The following CCDC187 variants were observed in gnomAD, a reference collection of about 807,000 sequenced individuals.
CCDC187 encodes coiled-coil domain containing 187.
CCDC187 carries 32 observed loss-of-function variants against 38.0 expected under a neutral mutation model. The observed-to-expected ratio is 0.84, with a 90% CI of 0.64 to 1.13. The LOEUF (loss-of-function observed/expected upper bound fraction) is 1.13, where lower values mean the gene tolerates loss of function less well. Ranked by LOEUF, CCDC187 falls within the 50% of genes most tolerant of loss-of-function variation. The pLI is 0.00. For synonymous variants in CCDC187, 333 were observed against 347.9 expected, an observed-to-expected ratio of 0.96 and a Z score of 0.48; for missense variants, 707 against 786.8, an observed-to-expected ratio of 0.90 and a Z score of 1.21.
At chr9:136,287,198 C>T (rs1422263618) in intron 7 of CCDC187, among the ~76,000 whole-genome samples, 6 of 151,950 alleles carry the variant, frequency 3.9e-5, no homozygotes, top group African/African-American at 9.7e-5. Context: ...AAGGACATTC[C>T]GACGCAGGCT....
rs1442275013 is a variant in CCDC187 at position 136,291,051 on chromosome 9, G to C, written c.1562C>G (p.Pro521Arg). Residue 521 changes from proline to arginine, a missense_variant, in exon 6 of 26, where the codon CCT (proline) becomes CGT (arginine). Coordinates refer to ENST00000638797, the MANE Select transcript of CCDC187 (RefSeq NM_001378188.1). The part of the protein sequence containing the change: ...GPSSQRPGSP[P>R]EKRSPFPQQP... ...CTGGGGGAAGGGGCTCCGCTTTTCA[G>C]GGGGGCTCCCAGGCCTCTGGGAGGA... is the stretch of plus-strand genomic sequence containing the variant. 25 of 398,534 alleles carry C rather than the reference G, an allele frequency of 6.3e-5. No homozygotes were observed. In the Admixed American group the frequency reaches 6.6e-4, roughly 11 times the overall value. The allele number at this position is 398,534 out of a possible 1,614,324, so 24.7% of individuals were successfully genotyped here.
Position 136,259,820 on chromosome 9 carries a change from T to C in CCDC187, c.4210+299A>G, listed in dbSNP as rs115353391. ...CCAGGGGCTCTGAGTAGCCGCCCCA[T>C]GAGGAGCCCTTCCCAGACAGAACCT... On this transcript the variant is annotated intron_variant, in intron 20 of 25. Coordinates refer to ENST00000638797, the MANE Select transcript of CCDC187 (RefSeq NM_001378188.1). Among the ~76,000 whole-genome samples the C allele has an allele frequency of 2.3e-3, 348 of 152,194 alleles. 1 individual carries two copies. The highest frequency in any genetic ancestry group is 7.7e-3 in the African/African-American group (321 of 41,550).
intron 14 of CCDC187, among the ~76,000 whole-genome samples, chr9:136,268,900 G>A (rs911081042): frequency 8.5e-5 from 13 of 152,192 alleles, no homozygotes; most frequent in African/African-American, 3.1e-4. Flanking sequence ...CTATGGTGAG[G>A]GAGGGGAAGC....
chr9:136,255,354 C>T (rs1236935425), intron 25 of CCDC187, among the ~76,000 whole-genome samples: 4 of 152,180 alleles, frequency 2.6e-5, no homozygotes, highest in African/African-American at 2.4e-5. Flanking sequence ...GGGGCCTTGC[C>T]GAGCCTCGGG....
chr9:136,263,533 C>A, intron 18 of CCDC187, 89 bp downstream of exon 18: 3 of 942,600 alleles, frequency 3.2e-6, no homozygotes, highest in Non-Finnish European at 3.8e-6. Flanking sequence ...CGCGCCCGGC[C>A]CACAGGCATT....
Position 136,260,246 on chromosome 9 carries a change from C to T in CCDC187, c.4083G>A (p.Gln1361=), listed in dbSNP as rs754655626. 80 of 985,246 alleles carry T rather than the reference C, an allele frequency of 8.1e-5. No individual in the cohort carries two copies. Among genetic ancestry groups the T allele is most frequent in the Non-Finnish European group, 9.2e-5 (76 of 830,086 alleles). 61.0% of individuals were successfully genotyped at this position (985,246 alleles called of 1,614,324 possible). A position where few individuals can be genotyped will look rare whatever the true frequency, so the allele number is the denominator to read the frequency against. The change falls in exon 20 of 26, where the codon CAG becomes CAA. Residue 1361 remains glutamine, a synonymous_variant. Coordinates refer to ENST00000638797, the MANE Select transcript of CCDC187 (RefSeq NM_001378188.1). Reference sequence around the variant, plus strand: ...AGGTTGTCTGGGGTGGCGTCACATCCTGCTGCTCAGTGGGAGGGCTGCACG... The same window carrying T: ...AGGTTGTCTGGGGTGGCGTCACATCTTGCTGCTCAGTGGGAGGGCTGCACG... ...SKATRPPTEQ[Q]DVTPPQTTSD... is the part of the protein sequence containing the mutation.
At chr9:136,296,025 C>T (rs879039838) in intron 4 of CCDC187, 42,797 of 152,154 alleles carry the variant, frequency 0.28, 6,258 homozygotes, top group East Asian at 0.44. Context: ...ACCTCACCCG[C>T]GTGTCCTCTC....
intron 5 of CCDC187, 61 bp from the exon 6 acceptor site, chr9:136,291,706 C>T (rs899355750): frequency 2.5e-6 from 1 of 398,604 alleles, no homozygotes; most frequent in East Asian, 3.6e-5. Flanking sequence ...AAGCCAGCTC[C>T]TCCATCCGGG....
intron 20 of CCDC187, 143 bp downstream of exon 20, chr9:136,259,976 C>T (rs1478905397): frequency 3.0e-6 from 2 of 657,066 alleles, no homozygotes; most frequent in Non-Finnish European, 3.8e-6. Flanking sequence ...ACAGGGAGGC[C>T]GGGGTGGCCC....
In CCDC187 at chr9:136,250,592, G is replaced by C. The variant is rs1242951894; in HGVS notation, c.*3002C>G. On this transcript the variant is annotated 3_prime_UTR_variant, in exon 26 of 26. Transcript: ENST00000638797. ...ACTAATTTGTTCAGAAGACTAGAAG[G>C]GGATCAATGAGAAAGCTGTAGCTCA... 1 of 363,700 alleles carries C rather than the reference G, an allele frequency of 2.7e-6. No homozygotes were observed. The highest frequency in any genetic ancestry group is 2.1e-5 in the African/African-American group (1 of 47,006). The allele number at this position is 363,700 out of a possible 1,614,324, so 22.5% of individuals were successfully genotyped here.
chr9:136,269,802 C>T (rs368790539), intron 14 of CCDC187, among the ~76,000 whole-genome samples: 2 of 152,214 alleles, frequency 1.3e-5, no homozygotes, highest in South Asian at 2.1e-4. Context: ...CCAGGCTTGA[C>T]GTGGGTGTGA....
Position 136,255,162 on chromosome 9 carries a change from C to T in CCDC187, c.4694-28G>A, listed in dbSNP as rs1488446185. The stretch of plus-strand genomic sequence containing the variant: ...AAGAGAGGGGGCAATCAACAGTGGT[C>T]ACCCTCTGCACCCTGGACCCCATGC... On this transcript the variant is annotated intron_variant, in intron 25 of 25. Coordinates refer to ENST00000638797, the MANE Select transcript of CCDC187 (RefSeq NM_001378188.1). 1.1e-5 allele frequency: 11 copies of T among 971,988 alleles called. 1 individual carries two copies. The South Asian group carries it at 1.4e-4, about 13-fold the overall frequency. 60.2% of individuals were successfully genotyped at this position (971,988 alleles called of 1,614,324 possible). A position where few individuals can be genotyped will look rare whatever the true frequency, so the allele number is the denominator to read the frequency against.
chr9:136,255,206 A>G, intron 25 of CCDC187, 72 bp from the exon 26 acceptor site: 1 of 780,024 alleles, frequency 1.3e-6, no homozygotes, highest in Non-Finnish European at 1.6e-6. Flanking sequence ...CGACCCCCAA[A>G]GCCAGGAGGT....
intron 4 of CCDC187, among the ~76,000 whole-genome samples, chr9:136,293,423 A>G (rs1831418010): frequency 1.5e-5 from 1 of 64,972 alleles, no homozygotes; most frequent in Admixed American, 1.7e-4. Flanking sequence ...ATGCTCACAT[A>G]CTCTCACATG....
chr9:136,250,383 C>A lies in CCDC187; in HGVS notation c.*3211G>T, dbSNP rs1050057353. 11 of 278,136 alleles carry A rather than the reference C, an allele frequency of 4.0e-5. No individual in the cohort carries two copies. Among genetic ancestry groups the A allele is most frequent in the Admixed American group, 2.0e-4 (4 of 19,768 alleles). 17.2% of individuals were successfully genotyped at this position (278,136 alleles called of 1,614,324 possible). A position where few individuals can be genotyped will look rare whatever the true frequency, so the allele number is the denominator to read the frequency against. On this transcript the variant is annotated 3_prime_UTR_variant, in exon 26 of 26. Coordinates refer to ENST00000638797, the MANE Select transcript of CCDC187 (RefSeq NM_001378188.1). ...GCAGCCGCCACCGCATTGCGCCGCA[C>A]GTCAGCACCAACCACGTGGCAGCGA...
intron 14 of CCDC187, 71 bp from the exon 15 acceptor site, chr9:136,268,196 C>T (rs1234083439): frequency 4.3e-6 from 4 of 931,382 alleles, no homozygotes; most frequent in South Asian, 4.9e-5. Context: ...CCATTTCTAC[C>T]GGAGGGCCTC....
At chr9:136,285,008 G>A (rs959714966) in intron 9 of CCDC187, among the ~76,000 whole-genome samples, 2 of 152,088 alleles carry the variant, frequency 1.3e-5, no homozygotes, top group Admixed American at 6.5e-5. Flanking sequence ...GAGGGGCCTG[G>A]GGGCGCGGGA....
intron 10 of CCDC187, among the ~76,000 whole-genome samples, chr9:136,279,084 G>A (rs1345401554): frequency 6.7e-6 from 1 of 149,850 alleles, no homozygotes; most frequent in Non-Finnish European, 1.5e-5. Context: ...TGGTCTGGGT[G>A]TTTAAGTCTA....
At chr9:136,284,172 G>A (rs1831116142) in intron 9 of CCDC187, among the ~76,000 whole-genome samples, 1 of 152,010 alleles carries the variant, frequency 6.6e-6, no homozygotes. Context: ...TTCGGGAGAG[G>A]GCGCCTCCTT....
Sources: gnomAD v4.1 joint callset for allele counts (sites outside exome capture counted in the v4.1 genomes callset) on GRCh38, gnomAD v4.1.1 for gene constraint, MANE v1.5 for transcripts, NCBI Gene and HGNC (gene_info 2026-07-23, HGNC 2026-07-21) for gene names.